Variants in TM9SF1 observed in about 807,000 individuals in gnomAD.
The protein encoded by TM9SF1 is MP70 protein family member.
In TM9SF1, 25 loss-of-function variants were observed where a neutral mutation model predicts 52.4. The ratio of observed to expected loss-of-function variants is 0.48; its 90% CI spans 0.35 to 0.67. TM9SF1 has a LOEUF of 0.67. Ranked by LOEUF, TM9SF1 falls within the 30% of genes least tolerant of loss-of-function variation. The pLI, the probability that TM9SF1 is intolerant of heterozygous loss-of-function variation, is 0.01. For synonymous variants in TM9SF1, 284 were observed against 299.8 expected (o/e 0.95, Z 0.55); for missense variants, 604 against 780.3 (o/e 0.77, Z 2.69).
At chr14:24,194,436 C>A (rs1350335214) in intron 2 of TM9SF1, among the ~76,000 whole-genome samples, 1 of 152,190 alleles carries the variant, frequency 6.6e-6, no homozygotes, top group Non-Finnish European at 1.5e-5. Context: ...ACCCTGGGCT[C>A]TGATATCAGT....
Position 24,193,165 on chromosome 14 carries a change from GA to G in TM9SF1, c.449del (p.Phe150SerfsTer8). 6.2e-7 allele frequency: 1 copy of G among 1,614,102 alleles called. No individual in the cohort carries two copies. The highest frequency in any genetic ancestry group is 8.5e-7 in the Non-Finnish European group (1 of 1,180,012). ...GTCCTATCTTGTGGCTGTGTGGCAG[GA>G]AACCACTCTCCTCCATGTAGCCCAC... is the stretch of plus-strand genomic sequence containing the variant. ...GFVGYMEESG[F>X]LPHSHKIGLW... On this transcript the variant is annotated frameshift_variant, in exon 3 of 6. Transcript: ENST00000261789. LOFTEE classifies it high-confidence loss of function.
At position 24,192,176 on chromosome 14, in the gene TM9SF1, AAG is replaced by A; in HGVS notation, c.1146_1147del (p.Phe383LeufsTer59). The A allele has an allele frequency of 6.2e-7, 1 of 1,614,058 alleles. No individual in the cohort carries two copies. The highest frequency in any genetic ancestry group is 8.5e-7 in the Non-Finnish European group (1 of 1,179,914). On this transcript the variant is annotated frameshift_variant, in exon 4 of 6. Coordinates refer to ENST00000261789, the MANE Select transcript of TM9SF1 (RefSeq NM_006405.7). LOFTEE classifies it high-confidence loss of function. This position sits in a 1 kb window ranked among gnomAD's most constrained non-coding sequence, Gnocchi z 4.0. ...AGGGAAAGGAAAGTCCTCACCAGAG[AAG>A]AGACTGGTGGTGAGAATGATGTTCC...
In TM9SF1 at chr14:24,195,021, C is replaced by T. The variant is rs377741690; in HGVS notation, c.-2G>A. On this transcript the variant is annotated 5_prime_UTR_variant, in exon 2 of 6. Coordinates refer to ENST00000261789, the MANE Select transcript of TM9SF1 (RefSeq NM_006405.7). ...TCGAGGGTTCCCTACGACTGTCATC[C>T]TTAAGGCAGTGGAACCTGTTTGGGG... 6.2e-6 allele frequency: 10 copies of T among 1,611,600 alleles called. No homozygotes were observed. Among genetic ancestry groups the T allele is most frequent in the Non-Finnish European group, 6.8e-6 (8 of 1,178,336 alleles).
At position 24,192,577 on chromosome 14, in the gene TM9SF1, C is replaced by T. The variant is rs1193052855; in HGVS notation, c.967+71G>A. 1 of 1,509,144 alleles carries T rather than the reference C, an allele frequency of 6.6e-7. No homozygotes were observed. Among genetic ancestry groups the T allele is most frequent in the Middle Eastern group, 2.2e-4 (1 of 4,536 alleles). 93.5% of individuals were successfully genotyped at this position (1,509,144 alleles called of 1,614,324 possible). A position where few individuals can be genotyped will look rare whatever the true frequency, so the allele number is the denominator to read the frequency against. On this transcript the variant is annotated intron_variant, in intron 3 of 5. Transcript: ENST00000261789. The surrounding 1 kb of genome is among the most constrained non-coding windows in gnomAD (Gnocchi z 4.0). ...TGGATAGAAGAGAAGATCCACAGAC[C>T]TTTTCTGAACAAACTCCCTACCTAG...
chr14:24,192,782 C>T lies in TM9SF1; in HGVS notation c.833G>A (p.Gly278Asp). The part of the protein sequence containing the change: ...YNLDEETTSA[G>D]SGDDFDQGDN... ...ACCCTGGTCAAAGTCATCACCAGAA[C>T]CTGCAGAGGTGGTCTCCTCATCTAA... The change falls in exon 3 of 6, where the codon GGT (glycine) becomes GAT (aspartate). Residue 278 changes from glycine to aspartate, a missense_variant. Gly to Asp is a moderately conservative substitution (Grantham distance 94). Around this residue, in one of 3 missense-constraint regions of TM9SF1, gnomAD observed 450 missense variants for 560.1 expected, o/e 0.80. Coordinates refer to ENST00000261789, the MANE Select transcript of TM9SF1 (RefSeq NM_006405.7). The surrounding 1 kb of genome is among the most constrained non-coding windows in gnomAD (Gnocchi z 4.0). 1 of 1,614,182 alleles carries T rather than the reference C, an allele frequency of 6.2e-7. No individual in the cohort carries two copies. The highest frequency in any genetic ancestry group is 1.3e-5 in the African/African-American group (1 of 75,050).
At chr14:24,190,851 GTTTTTTTTTTTTT>G (rs150852398) in intron 4 of TM9SF1, among the ~76,000 whole-genome samples, 198 bp from the exon 5 acceptor site, 2 of 65,436 alleles carry the variant, frequency 3.1e-5, no homozygotes, top group Admixed American at 2.2e-4. Flanking sequence ...TTTGTTCTGT[GTTTTTTTTTTTTT>G]TTTTTTTTTT....
At chr14:24,191,087 G>C (rs538304682) in intron 4 of TM9SF1, among the ~76,000 whole-genome samples, 5 of 152,048 alleles carry the variant, frequency 3.3e-5, no homozygotes, top group South Asian at 4.2e-4. Flanking sequence ...GGATGGTCTC[G>C]ATCTCCTGAC....
At position 24,194,730 on chromosome 14, in the gene TM9SF1, A is replaced by G. The variant is rs1594454099; in HGVS notation, c.290T>C (p.Phe97Ser). The G allele has an allele frequency of 6.2e-7, 1 of 1,614,196 alleles. No homozygotes were observed. Among genetic ancestry groups the G allele is most frequent in the Non-Finnish European group, 8.5e-7 (1 of 1,180,020 alleles). Residue 97 changes from phenylalanine (F) to serine (S), a missense_variant, in exon 2 of 6, where the codon TTT becomes TCT. Phe to Ser is a radical substitution (Grantham distance 155). This residue lies in a region of TM9SF1 where 450 missense variants were observed against 560.1 expected (regional missense o/e 0.80). Transcript: ENST00000261789. ...AATTCTCTTCTCCACGTTTTCCCGA[A>G]AGCGGATCTCATACAAAGACTCAGC... ...RMAESLYEIR[F>S]RENVEKRILC...
In TM9SF1 at chr14:24,189,529, G is replaced by A; in HGVS notation, c.1707C>T (p.Phe569=). The part of the protein sequence containing the change: ...NMSGAVQTVE[F]FGYSLLTGYV... ...AACCAGTGAGTAAGGAGTAGCCGAA[G>A]AACTCTACTGTCTGTACTGCCCCAG... The change falls in exon 6 of 6, where the codon TTC becomes TTT. Residue 569 remains phenylalanine, a synonymous_variant. Transcript: ENST00000261789. 7 of 1,614,230 alleles carry A rather than the reference G, an allele frequency of 4.3e-6. No individual in the cohort carries two copies. Among genetic ancestry groups the A allele is most frequent in the Non-Finnish European group, 5.9e-6 (7 of 1,180,040 alleles).
At position 24,192,337 on chromosome 14, in the gene TM9SF1, C is replaced by G; in HGVS notation, c.987G>C (p.Leu329=). 6.2e-7 allele frequency: 1 copy of G among 1,613,906 alleles called. No individual in the cohort carries two copies. The highest frequency in any genetic ancestry group is 1.1e-5 in the South Asian group (1 of 91,076). ...GACGGTGCACATTGAACATGCCCAG[C>G]AGTGCCATGACAATAATGCCTGCAG... The part of the protein sequence containing the change: ...ALGTGIIVMA[L]LGMFNVHRHG... Residue 329 remains leucine (L), a synonymous_variant, in exon 4 of 6, where the codon CTG becomes CTC. Coordinates refer to ENST00000261789, the MANE Select transcript of TM9SF1 (RefSeq NM_006405.7). The surrounding 1 kb of genome is among the most constrained non-coding windows in gnomAD (Gnocchi z 4.0).
At position 24,192,179 on chromosome 14, in the gene TM9SF1, A is replaced by T; in HGVS notation, c.1145T>A (p.Leu382His). The change falls in exon 4 of 6, where the codon CTC (leucine) becomes CAC (histidine). Residue 382 changes from leucine to histidine, a missense_variant. Coordinates refer to ENST00000261789, the MANE Select transcript of TM9SF1 (RefSeq NM_006405.7). This position sits in a 1 kb window ranked among gnomAD's most constrained non-coding sequence, Gnocchi z 4.0. Reference sequence around the variant, plus strand: ...GAAAGGAAAGTCCTCACCAGAGAAGAGACTGGTGGTGAGAATGATGTTCCA... The same window carrying T: ...GAAAGGAAAGTCCTCACCAGAGAAGTGACTGGTGGTGAGAATGATGTTCCA... ...WVWNIILTTS[L>H]FSVPFFLTWS... 4 of 1,614,074 alleles carry T rather than the reference A, an allele frequency of 2.5e-6. No individual in the cohort carries two copies. The highest frequency in any genetic ancestry group is 3.4e-6 in the Non-Finnish European group (4 of 1,179,928).
Position 24,192,569 on chromosome 14 carries a change from C to A in TM9SF1, c.967+79G>T. 1 of 1,496,652 alleles carries A rather than the reference C, an allele frequency of 6.7e-7. No individual in the cohort carries two copies. Among genetic ancestry groups the A allele is most frequent in the Non-Finnish European group, 8.9e-7 (1 of 1,119,584 alleles). 92.7% of individuals were successfully genotyped at this position (1,496,652 alleles called of 1,614,324 possible). A position where few individuals can be genotyped will look rare whatever the true frequency, so the allele number is the denominator to read the frequency against. On this transcript the variant is annotated intron_variant, in intron 3 of 5. Transcript: ENST00000261789. This position sits in a 1 kb window ranked among gnomAD's most constrained non-coding sequence, Gnocchi z 4.0. The stretch of plus-strand genomic sequence containing the variant: ...TGCCCCTCTGGATAGAAGAGAAGAT[C>A]CACAGACCTTTTCTGAACAAACTCC...
intron 5 of TM9SF1, 196 bp from the exon 6 acceptor site, chr14:24,190,004 T>G (rs1303693617): frequency 1.4e-6 from 2 of 1,388,426 alleles, no homozygotes; most frequent in Non-Finnish European, 1.9e-6. Flanking sequence ...ACTTCAAGAA[T>G]ATCTTCCCTA....
chr14:24,194,890 G>T lies in TM9SF1; in HGVS notation c.130C>A (p.Leu44Met). Reference protein sequence around the residue: ...THYKAGDPVILYVNKVGPYHN... With the variant: ...THYKAGDPVIMYVNKVGPYHN... ...TAGGGTCCCACTTTGTTGACATACAGAATAACAGGGTCGCCGGCCTTGTAG... is the reference window on the plus strand; with the variant it reads ...TAGGGTCCCACTTTGTTGACATACATAATAACAGGGTCGCCGGCCTTGTAG... Residue 44 changes from leucine to methionine, a missense_variant, in exon 2 of 6, where the codon CTG becomes ATG. Leu to Met is a conservative substitution (Grantham distance 15). Transcript: ENST00000261789. 6.2e-7 allele frequency: 1 copy of T among 1,614,218 alleles called. No homozygotes were observed. Among genetic ancestry groups the T allele is most frequent in the East Asian group, 2.2e-5 (1 of 44,886 alleles).
rs1195148045 is a variant in TM9SF1 at position 24,192,337 on chromosome 14, C to T, written c.987G>A (p.Leu329=). The change falls in exon 4 of 6, where the codon CTG becomes CTA. Residue 329 remains leucine (L), a synonymous_variant. Transcript: ENST00000261789. This position sits in a 1 kb window ranked among gnomAD's most constrained non-coding sequence, Gnocchi z 4.0. ...ALGTGIIVMA[L]LGMFNVHRHG... is the part of the protein sequence containing the mutation. ...GACGGTGCACATTGAACATGCCCAG[C>T]AGTGCCATGACAATAATGCCTGCAG... 3 of 1,613,906 alleles carry T rather than the reference C, an allele frequency of 1.9e-6. No individual in the cohort carries two copies. The African/African-American group carries it at 4.0e-5, about 22-fold the overall frequency.
At position 24,192,390 on chromosome 14, in the gene TM9SF1, C is replaced by G. The variant is rs750924668; in HGVS notation, c.968-34G>C. 6.3e-7 allele frequency: 1 copy of G among 1,597,502 alleles called. No individual in the cohort carries two copies. The highest frequency in any genetic ancestry group is 8.6e-7 in the Non-Finnish European group (1 of 1,168,436). On this transcript the variant is annotated intron_variant, in intron 3 of 5. Coordinates refer to ENST00000261789, the MANE Select transcript of TM9SF1 (RefSeq NM_006405.7). This position sits in a 1 kb window ranked among gnomAD's most constrained non-coding sequence, Gnocchi z 4.0. ...CGGTAGCGGAAAGCCCAAGTTAGGC[C>G]TCACCTGTGTCTCTTCTAGCAATTT...
chr14:24,194,261 G>A (rs1397739658), intron 2 of TM9SF1, among the ~76,000 whole-genome samples: 1 of 152,120 alleles, frequency 6.6e-6, no homozygotes, highest in East Asian at 1.9e-4. Context: ...AGTGGACTAA[G>A]GAGAAGTACC....
chr14:24,190,556 C>T lies in TM9SF1; in HGVS notation c.1251G>A (p.Thr417=), dbSNP rs2234111. ...GGGGAAAGCCCACCAGCAGCCAAAC[C>T]GTCAGAAGCAGCAGGATGGTTGTGG... ...LPATTILLLL[T]VWLLVGFPLT... is the part of the protein sequence containing the mutation. The change falls in exon 5 of 6, where the codon ACG becomes ACA. Residue 417 remains threonine (T), a synonymous_variant. Coordinates refer to ENST00000261789, the MANE Select transcript of TM9SF1 (RefSeq NM_006405.7). 149 of 1,614,138 alleles carry T rather than the reference C, an allele frequency of 9.2e-5. No homozygotes were observed. In the African/African-American group the frequency reaches 1.7e-3, roughly 18 times the overall value.
In TM9SF1 at chr14:24,192,717, A is replaced by C; in HGVS notation, c.898T>G (p.Phe300Val). 1.2e-6 allele frequency: 2 copies of C among 1,612,632 alleles called. No homozygotes were observed. The highest frequency in any genetic ancestry group is 4.5e-5 in the East Asian group (2 of 44,886). ...WKIIHTDVFR[F>V]PPYRGLLCAV... The stretch of plus-strand genomic sequence containing the variant: ...CAGAGCAGACCACGGTATGGGGGGA[A>C]GCGGAAGACATCTGTATGGATAATT... Residue 300 changes from phenylalanine (F) to valine (V), a missense_variant, in exon 3 of 6, where the codon TTC becomes GTC. This residue lies in a region of TM9SF1 where 450 missense variants were observed against 560.1 expected (regional missense o/e 0.80). Coordinates refer to ENST00000261789, the MANE Select transcript of TM9SF1 (RefSeq NM_006405.7). The surrounding 1 kb of genome is among the most constrained non-coding windows in gnomAD (Gnocchi z 4.0).
Sources: gnomAD v4.1 joint callset for allele counts (sites outside exome capture counted in the v4.1 genomes callset) on GRCh38, gnomAD v4.1.1 for gene constraint, gnomAD v4.1.1 regional missense constraint, Gnocchi (gnomAD v3.1) non-coding constraint, MANE v1.5 for transcripts, NCBI Gene and HGNC (gene_info 2026-07-23, HGNC 2026-07-21) for gene names.